Variants in DGAT1 observed in about 807,000 individuals in gnomAD.
The protein encoded by DGAT1 is diacylglycerol O-acyltransferase 1, also known as ACAT related gene product 1.
Under a neutral mutation model 72.6 loss-of-function variants are expected in DGAT1, and 60 were observed. The ratio of observed to expected loss-of-function variants is 0.83; its 90% CI spans 0.67 to 1.02. The LOEUF (loss-of-function observed/expected upper bound fraction) is 1.02. Among genes scored for constraint, DGAT1 ranks in the 50% least tolerant of loss-of-function variants. DGAT1 has a pLI of 0.00. For synonymous variants in DGAT1, 290 were observed against 267.5 expected, an observed-to-expected ratio of 1.08 and a Z score of -0.82; for missense variants, 592 against 670.0, an observed-to-expected ratio of 0.88 and a Z score of 1.29.
At chr8:144,322,980 C>T (rs1309397181) in intron 1 of DGAT1, among the ~76,000 whole-genome samples, 1 of 152,202 alleles carries the variant, frequency 6.6e-6, no homozygotes, top group Non-Finnish European at 1.5e-5. Flanking sequence ...CGCCAGAGCC[C>T]CAGCACCGTG....
Position 144,316,698 on chromosome 8 carries a change from G to C in DGAT1, c.1323C>G (p.Ala441=). 1 of 1,612,166 alleles carries C rather than the reference G, an allele frequency of 6.2e-7. No individual in the cohort carries two copies. Among genetic ancestry groups the C allele is most frequent in the Non-Finnish European group, 8.5e-7 (1 of 1,179,608 alleles). Residue 441 remains alanine (A), a synonymous_variant, in exon 17 of 17, where the codon GCC becomes GCG. Coordinates refer to ENST00000528718, the MANE Select transcript of DGAT1 (RefSeq NM_012079.6). ...CCTGGAAAAAGCGGCCCACGAACCAGGCCAGTGGGATCTAGGGAGTGAGGG... is the reference window on the plus strand; with the variant it reads ...CCTGGAAAAAGCGGCCCACGAACCACGCCAGTGGGATCTAGGGAGTGAGGG... ...FTGMMAQIPL[A]WFVGRFFQGN...
rs1817363110 is a variant in DGAT1, at chr8:144,319,018, A to C, written c.329+10T>G. ...GTGGGGCAGGGGTGGGACCTGGCAAAGGCACTCACTTGATGAGGTTCTCCA... is the reference window on the plus strand; with the variant it reads ...GTGGGGCAGGGGTGGGACCTGGCAACGGCACTCACTTGATGAGGTTCTCCA... On this transcript the variant is annotated intron_variant, in intron 3 of 16. Transcript: ENST00000528718. The C allele has an allele frequency of 6.4e-7, 1 of 1,558,876 alleles. No individual in the cohort carries two copies. The highest frequency in any genetic ancestry group is 1.9e-5 in the Admixed American group (1 of 51,972).
Position 144,317,964 on chromosome 8 carries a change from G to C in DGAT1, c.805C>G (p.Arg269Gly). ...PTLCYELNFP[R>G]SPRIRKRFLL... ...AAGCGCTTCCGGATGCGGGGAGAGC[G>C]GGGAAAGTTGAGCTCGTAGCACAAG... The change falls in exon 9 of 17, where the codon CGC becomes GGC. Residue 269 changes from arginine to glycine, a missense_variant. Physicochemically the swap from Arg to Gly is moderately radical, Grantham distance 125. Coordinates refer to ENST00000528718, the MANE Select transcript of DGAT1 (RefSeq NM_012079.6). 1.3e-6 allele frequency: 2 copies of C among 1,519,906 alleles called. No individual in the cohort carries two copies. The highest frequency in any genetic ancestry group is 2.3e-5 in the Admixed American group (1 of 44,412). The allele number at this position is 1,519,906 out of a possible 1,614,324, so 94.2% of individuals were successfully genotyped here.
chr8:144,317,150 C>G (rs1554847219), intron 14 of DGAT1, 37 bp downstream of exon 14: 2 of 1,611,084 alleles, frequency 1.2e-6, no homozygotes, highest in South Asian at 1.1e-5. Flanking sequence ...AGGTTCACAG[C>G]CATGTTCCAC....
intron 1 of DGAT1, among the ~76,000 whole-genome samples, chr8:144,323,850 G>A (rs1272351988): frequency 6.6e-6 from 1 of 152,234 alleles, no homozygotes; most frequent in Non-Finnish European, 1.5e-5. Flanking sequence ...CAGCTCCAGG[G>A]CCAAGCACAA....
At position 144,315,446 on chromosome 8, in the gene DGAT1, C is replaced by G. The variant is rs532834573; in HGVS notation, c.*1108G>C. 1.3e-5 allele frequency: 13 copies of G among 985,454 alleles called. No homozygotes were observed. Among genetic ancestry groups the G allele is most frequent in the Admixed American group, 6.1e-5 (1 of 16,278 alleles). The allele number at this position is 985,454 out of a possible 1,614,324, so 61.0% of individuals were successfully genotyped here. A position where few individuals can be genotyped will look rare whatever the true frequency, so the allele number is the denominator to read the frequency against. ...GCAGTCCTGGGACCCTGTGCAGGGC[C>G]TCCTCAAACACCTGCCTTGTTGGGC... On this transcript the variant is annotated 3_prime_UTR_variant, in exon 17 of 17. Coordinates refer to ENST00000528718, the MANE Select transcript of DGAT1 (RefSeq NM_012079.6).
chr8:144,324,841 G>C (rs977347649), intron 1 of DGAT1, among the ~76,000 whole-genome samples: 4 of 152,154 alleles, frequency 2.6e-5, no homozygotes, highest in Admixed American at 6.5e-5. Flanking sequence ...GCCAAGGCAG[G>C]TGGATCACCT....
rs1368772399 is a variant in DGAT1 at position 144,315,739 on chromosome 8, C to T, written c.*815G>A. The T allele has an allele frequency of 1.1e-6, 1 of 921,536 alleles. No individual in the cohort carries two copies. The highest frequency in any genetic ancestry group is 1.3e-6 in the Non-Finnish European group (1 of 771,716). The allele number at this position is 921,536 out of a possible 1,614,324, so 57.1% of individuals were successfully genotyped here. A position where few individuals can be genotyped will look rare whatever the true frequency, so the allele number is the denominator to read the frequency against. Reference sequence around the variant, plus strand: ...AGGCAGGCCTGGGGATCAGGGGTGCCCCAACCTCGTGGAGGGCAGCTGAGA... The same window carrying T: ...AGGCAGGCCTGGGGATCAGGGGTGCTCCAACCTCGTGGAGGGCAGCTGAGA... On this transcript the variant is annotated 3_prime_UTR_variant, in exon 17 of 17. Transcript: ENST00000528718.
At chr8:144,317,512 G>T in intron 12 of DGAT1, 32 bp downstream of exon 12, 1 of 1,613,782 alleles carries the variant, frequency 6.2e-7, no homozygotes, top group South Asian at 1.1e-5. Context: ...GTCCCCTCCT[G>T]TCCTGTGCAT....
rs1171962022 is a variant in DGAT1, at chr8:144,317,827, G to T, written c.856-5C>A. ...CTGGAGCTGGGTGAAGAACAGCTGG[G>T]GGGGAAACAGAGAGCAGCCAGCTGA... On this transcript the variant is annotated splice_region_variant and splice_polypyrimidine_tract_variant and intron_variant, in intron 9 of 16. Coordinates refer to ENST00000528718, the MANE Select transcript of DGAT1 (RefSeq NM_012079.6). 6 of 1,610,684 alleles carry T rather than the reference G, an allele frequency of 3.7e-6. No homozygotes were observed. The East Asian group carries it at 1.3e-4, about 36-fold the overall frequency.
intron 1 of DGAT1, among the ~76,000 whole-genome samples, chr8:144,324,144 C>A (rs1321784506): frequency 1.3e-5 from 2 of 152,226 alleles, no homozygotes; most frequent in African/African-American, 4.8e-5. Context: ...GGTGCCCTCT[C>A]CTGCCTGCCT....
Position 144,318,938 on chromosome 8 carries a change from G to A in DGAT1, c.330-18C>T. ...TGCCATACCTGGGGGTGGAGGGATG[G>A]GGGTCTGAGTGGGTGGCAGGTGGGG... On this transcript the variant is annotated intron_variant, in intron 3 of 16. Coordinates refer to ENST00000528718, the MANE Select transcript of DGAT1 (RefSeq NM_012079.6). The A allele has an allele frequency of 6.2e-7, 1 of 1,601,466 alleles. No homozygotes were observed. The highest frequency in any genetic ancestry group is 8.5e-7 in the Non-Finnish European group (1 of 1,174,446).
At position 144,315,098 on chromosome 8, in the gene DGAT1, G is replaced by C. The variant is rs1392132277; in HGVS notation, c.*1456C>G. 6 of 985,410 alleles carry C rather than the reference G, an allele frequency of 6.1e-6. No individual in the cohort carries two copies. The African/African-American group carries it at 8.7e-5, about 14-fold the overall frequency. 61.0% of individuals were successfully genotyped at this position (985,410 alleles called of 1,614,324 possible). The stretch of plus-strand genomic sequence containing the variant: ...CCGTAGCTTTAGGGTTCTCCACTCA[G>C]CCTGGTGGAGGAAGGGAAGGGGGCC... On this transcript the variant is annotated 3_prime_UTR_variant, in exon 17 of 17. Coordinates refer to ENST00000528718, the MANE Select transcript of DGAT1 (RefSeq NM_012079.6).
In DGAT1 at chr8:144,314,636, C is replaced by T. The variant is rs111911280; in HGVS notation, c.*1918G>A. ...ATTTTTACACAACTGTCCCGTTCCC[C>T]GCTCCACAGAGATACACAGATATAT... On this transcript the variant is annotated 3_prime_UTR_variant, in exon 17 of 17. Coordinates refer to ENST00000528718, the MANE Select transcript of DGAT1 (RefSeq NM_012079.6). The T allele has an allele frequency of 0.014, 5,880 of 434,494 alleles. 68 individuals are homozygous for T. Among genetic ancestry groups the T allele is most frequent in the Middle Eastern group, 0.031 (49 of 1,556 alleles). The allele number at this position is 434,494 out of a possible 1,614,324, so 26.9% of individuals were successfully genotyped here.
At position 144,315,324 on chromosome 8, in the gene DGAT1, C is replaced by T. The variant is rs561506186; in HGVS notation, c.*1230G>A. On this transcript the variant is annotated 3_prime_UTR_variant, in exon 17 of 17. Transcript: ENST00000528718. Reference sequence around the variant, plus strand: ...CAAGGAGATGCCTCCATCTCAGGGCCCACCAGCCCCCACTGGGGTAGAGGG... The same window carrying T: ...CAAGGAGATGCCTCCATCTCAGGGCTCACCAGCCCCCACTGGGGTAGAGGG... The T allele has an allele frequency of 3.0e-6, 3 of 985,464 alleles. No individual in the cohort carries two copies. The East Asian group carries it at 3.4e-4, about 112-fold the overall frequency. 61.0% of individuals were successfully genotyped at this position (985,464 alleles called of 1,614,324 possible).
At chr8:144,316,772 C>G in intron 16 of DGAT1, 63 bp from the exon 17 acceptor site, 1 of 1,598,204 alleles carries the variant, frequency 6.3e-7, no homozygotes, top group South Asian at 1.1e-5. Context: ...CTTCAGGGTC[C>G]CTGGGCATGG....
intron 2 of DGAT1, among the ~76,000 whole-genome samples, chr8:144,321,042 C>A (rs753342999): frequency 2.0e-5 from 3 of 152,192 alleles, no homozygotes; most frequent in African/African-American, 7.2e-5. Context: ...CCCACGCCCA[C>A]ACCACATCTG....
chr8:144,317,545 G>C lies in DGAT1; in HGVS notation c.980C>G (p.Ala327Gly), dbSNP rs782806278. The change falls in exon 12 of 17, where the codon GCG becomes GGG. Residue 327 changes from alanine (A) to glycine (G), a missense_variant and splice_region_variant. Transcript: ENST00000528718. ...CATGCGCCACCTGTCCGCACTCACC[G>C]CCAGCTTCAGGAGGCGCTCGATGAT... Reference protein sequence around the residue: ...SRIIERLLKLAVPNHLIWLIF... With the variant: ...SRIIERLLKLGVPNHLIWLIF... 1.7e-5 allele frequency: 28 copies of C among 1,613,848 alleles called. No homozygotes were observed. The highest frequency in any genetic ancestry group is 2.3e-5 in the Non-Finnish European group (27 of 1,180,014).
Position 144,326,474 on chromosome 8 carries a change from C to T in DGAT1, c.163G>A (p.Gly55Arg), listed in dbSNP as rs1817594930. Residue 55 changes from glycine to arginine, a missense_variant, in exon 1 of 17, where the codon GGA becomes AGA. Physicochemically the swap from Gly to Arg is moderately radical, Grantham distance 125 (BLOSUM62 -2). Transcript: ENST00000528718. The stretch of plus-strand genomic sequence containing the variant: ...TGGCCGCTGCCCACGCCGGCGTCTC[C>T]GTCCTTGTTGGGGGCCGGGGCTGGC... ...DAPAPAPNKDGDAGVGSGHWE... is the reference protein window; with the variant it reads ...DAPAPAPNKDRDAGVGSGHWE... 2 of 1,336,006 alleles carry T rather than the reference C, an allele frequency of 1.5e-6. No homozygotes were observed. The highest frequency in any genetic ancestry group is 9.7e-7 in the Non-Finnish European group (1 of 1,034,938). The allele number at this position is 1,336,006 out of a possible 1,614,324, so 82.8% of individuals were successfully genotyped here. A position where few individuals can be genotyped will look rare whatever the true frequency, so the allele number is the denominator to read the frequency against.
Sources: gnomAD v4.1 joint callset for allele counts (sites outside exome capture counted in the v4.1 genomes callset) on GRCh38, gnomAD v4.1.1 for gene constraint, MANE v1.5 for transcripts, NCBI Gene and HGNC (gene_info 2026-07-23, HGNC 2026-07-21) for gene names.